DNAJB6: variants seen among roughly 807,000 people sequenced by gnomAD.
DNAJB6 encodes dnaJ homolog subfamily B member 6.
Under a neutral mutation model 42.7 loss-of-function variants are expected in DNAJB6, and 16 were observed. The ratio of observed to expected loss-of-function variants is 0.37; its 90% CI spans 0.25 to 0.57. DNAJB6 has a LOEUF of 0.57. Among genes scored for constraint, DNAJB6 ranks in the 20% least tolerant of loss-of-function variants. The probability of loss-of-function intolerance (pLI) is 0.74; values close to 1 mark genes in which losing one functional copy is unlikely to be tolerated. For synonymous variants in DNAJB6, 170 were observed against 163.5 expected, an observed-to-expected ratio of 1.04 and a Z score of -0.30; for missense variants, 347 against 416.8, an observed-to-expected ratio of 0.83 and a Z score of 1.46.
At chr7:157,384,781 T>C (rs2117089438) in intron 6 of DNAJB6, 86 bp from the exon 7 acceptor site, 2 of 1,329,518 alleles carry the variant, frequency 1.5e-6, no homozygotes, top group Non-Finnish European at 2.1e-6. Flanking sequence ...ACATTAAATA[T>C]TCTGCTACTG....
intron 1 of DNAJB6, among the ~76,000 whole-genome samples, chr7:157,356,437 C>T (rs529879864): frequency 2.0e-5 from 3 of 152,288 alleles, no homozygotes; most frequent in South Asian, 2.1e-4. Context: ...TTACGGGAGT[C>T]GACTCCTGTC....
chr7:157,337,277 C>CGGGGCGG (rs1195185531), intron 1 of DNAJB6, 133 bp downstream of exon 1: 1 of 144,646 alleles, frequency 6.9e-6, no homozygotes, highest in Non-Finnish European at 1.5e-5. Context: ...AAGGACTGGA[C>CGGGGCGG]GGGGCGGGGG....
chr7:157,366,669 A>T, intron 4 of DNAJB6, 108 bp downstream of exon 4: 1 of 1,023,990 alleles, frequency 9.8e-7, no homozygotes, highest in Non-Finnish European at 1.5e-6. Context: ...GTAAATAGAG[A>T]TGCAACGTAG....
chr7:157,409,040 G>A (rs1204605620), intron 8 of DNAJB6, among the ~76,000 whole-genome samples: 1 of 152,238 alleles, frequency 6.6e-6, no homozygotes, highest in African/African-American at 2.4e-5. Flanking sequence ...TCCACGCAGT[G>A]ATTGCCACTC....
At chr7:157,401,725 A>G (rs1795525696) in intron 8 of DNAJB6, among the ~76,000 whole-genome samples, 2 of 152,212 alleles carry the variant, frequency 1.3e-5, no homozygotes, top group Admixed American at 6.5e-5. Context: ...GACGTGAAGC[A>G]TTACGCAATA....
rs543402699 is a variant in DNAJB6, at chr7:157,384,201, T to C, written c.479-666T>C. Among the ~76,000 whole-genome samples, 13 of 152,334 alleles carry C rather than the reference T, an allele frequency of 8.5e-5. No homozygotes were observed. The South Asian group carries it at 2.7e-3, about 32-fold the overall frequency. On this transcript the variant is annotated intron_variant, in intron 6 of 9. Coordinates refer to ENST00000262177, the MANE Select transcript of DNAJB6 (RefSeq NM_058246.4). ...TTTTAGTGTCCACACTGCGATAATATCCATAATGTATAATTGAGAATGGTG... is the reference window on the plus strand; with the variant it reads ...TTTTAGTGTCCACACTGCGATAATACCCATAATGTATAATTGAGAATGGTG...
chr7:157,383,656 G>C (rs528416153), intron 6 of DNAJB6, among the ~76,000 whole-genome samples: 3 of 151,654 alleles, frequency 2.0e-5, no homozygotes, highest in African/African-American at 7.3e-5. Flanking sequence ...GGGGGTGTAA[G>C]CCTTCTCCAC....
In DNAJB6 at chr7:157,385,445, A is replaced by T. The variant is rs563528488; in HGVS notation, c.621-96A>T. 39 of 1,273,504 alleles carry T rather than the reference A, an allele frequency of 3.1e-5. No homozygotes were observed. The African/African-American group carries it at 5.7e-4, about 19-fold the overall frequency. The allele number at this position is 1,273,504 out of a possible 1,614,324, so 78.9% of individuals were successfully genotyped here. A position where few individuals can be genotyped will look rare whatever the true frequency, so the allele number is the denominator to read the frequency against. ...TACAGCCTGAAAATTACTTATATTC[A>T]TGGTGTATTTCAGTAATGTCCTTAA... On this transcript the variant is annotated intron_variant, in intron 7 of 9. Coordinates refer to ENST00000262177, the MANE Select transcript of DNAJB6 (RefSeq NM_058246.4).
chr7:157,403,152 G>A (rs893660075), intron 8 of DNAJB6, among the ~76,000 whole-genome samples: 9 of 152,140 alleles, frequency 5.9e-5, no homozygotes, highest in African/African-American at 9.7e-5. Flanking sequence ...TGGATAAGAC[G>A]AATCATTGCA....
chr7:157,359,309 T>C (rs2116952753), intron 2 of DNAJB6, among the ~76,000 whole-genome samples: 1 of 152,338 alleles, frequency 6.6e-6, no homozygotes, highest in South Asian at 2.1e-4. Context: ...GGAGTGTCTA[T>C]ACTGCTAGAC....
intron 8 of DNAJB6, among the ~76,000 whole-genome samples, chr7:157,397,029 G>C (rs1801620460): frequency 6.6e-6 from 1 of 152,172 alleles, no homozygotes; most frequent in South Asian, 2.1e-4. Context: ...TCACCACTCG[G>C]CTGAGGGATG....
intron 1 of DNAJB6, among the ~76,000 whole-genome samples, chr7:157,338,285 C>T (rs1340332868): frequency 6.6e-6 from 1 of 152,092 alleles, no homozygotes; most frequent in Non-Finnish European, 1.5e-5. Flanking sequence ...CCGCCTTACT[C>T]CTCCGCCAGT....
intron 5 of DNAJB6, chr7:157,379,941 G>A (rs9297109): frequency 0.55 from 83,635 of 151,026 alleles, 23,417 homozygotes; most frequent in East Asian, 0.76. Flanking sequence ...CCTCCTGGGT[G>A]GCTGAGACTA....
At chr7:157,377,212 A>G (rs989202339) in intron 5 of DNAJB6, among the ~76,000 whole-genome samples, 7 of 144,576 alleles carry the variant, frequency 4.8e-5, no homozygotes, top group African/African-American at 1.2e-4. Flanking sequence ...AGCCATGTTA[A>G]TAAGACTGTT....
intron 1 of DNAJB6, among the ~76,000 whole-genome samples, chr7:157,346,806 T>C (rs1199989264): frequency 1.3e-5 from 2 of 152,200 alleles, no homozygotes; most frequent in Non-Finnish European, 2.9e-5. Context: ...GCTCTGCAGG[T>C]TTCCTTGGAG....
At chr7:157,381,599 T>C (rs967030475) in intron 5 of DNAJB6, 2 of 152,202 alleles carry the variant, frequency 1.3e-5, no homozygotes, top group African/African-American at 4.8e-5. Context: ...AAGCATCATC[T>C]TACGTCTGCT....
At position 157,384,958 on chromosome 7, in the gene DNAJB6, G is replaced by A; in HGVS notation, c.570G>A (p.Ser190=). Residue 190 remains serine (S), a synonymous_variant, in exon 7 of 10, where the codon TCG becomes TCA. Coordinates refer to ENST00000262177, the MANE Select transcript of DNAJB6 (RefSeq NM_058246.4). ...GTAGTGGCATGGGCAACTTCAAATC[G>A]ATATCAACTTCAACTAAAATGGTTA... is the stretch of plus-strand genomic sequence containing the variant. ...FGGSGMGNFK[S]ISTSTKMVNG... The A allele has an allele frequency of 6.2e-7, 1 of 1,613,964 alleles. No homozygotes were observed. Among genetic ancestry groups the A allele is most frequent in the Non-Finnish European group, 8.5e-7 (1 of 1,179,964 alleles).
rs1481362054 is a variant in DNAJB6 at position 157,415,996 on chromosome 7, T to C, written c.899-20T>C. On this transcript the variant is annotated intron_variant, in intron 9 of 9. Transcript: ENST00000262177. ...AGCAGTGCTGTTCCGTACAGTGTTTTACAAGCCGTGTTTCCTTAGGATTGA... is the reference window on the plus strand; with the variant it reads ...AGCAGTGCTGTTCCGTACAGTGTTTCACAAGCCGTGTTTCCTTAGGATTGA... The C allele has an allele frequency of 3.1e-6, 5 of 1,614,172 alleles. No homozygotes were observed. In the East Asian group the frequency reaches 1.1e-4, roughly 36 times the overall value.
At chr7:157,390,148 C>T (rs893866538) in intron 8 of DNAJB6, among the ~76,000 whole-genome samples, 2 of 152,192 alleles carry the variant, frequency 1.3e-5, no homozygotes, top group Non-Finnish European at 2.9e-5. Flanking sequence ...GTCCCACAGC[C>T]CTTGATTCAG....
Sources: allele counts gnomAD v4.1 joint callset (sites outside exome capture counted in the v4.1 genomes callset), GRCh38; gene constraint gnomAD v4.1.1; transcripts MANE v1.5; gene names NCBI Gene and HGNC (gene_info 2026-07-23, HGNC 2026-07-21).